Variants in SLC8A1 observed in about 807,000 individuals in gnomAD.
The protein encoded by SLC8A1 is sodium/calcium exchanger 1.
A neutral mutation model predicts 68.3 loss-of-function variants in SLC8A1; 18 were observed. The ratio of observed to expected loss-of-function variants is 0.26; its 90% CI spans 0.18 to 0.39. SLC8A1 has a LOEUF of 0.39. Ranked by LOEUF, SLC8A1 falls within the 10% of genes least tolerant of loss-of-function variation. SLC8A1 has a pLI of 1.00. For missense variants in SLC8A1, 985 were observed against 1,156.7 expected (o/e 0.85, Z 2.15); for synonymous variants, 475 against 415.5 (o/e 1.14, Z -1.74).
intron 2 of SLC8A1, among the ~76,000 whole-genome samples, chr2:40,338,058 C>G (rs1315744637): frequency 2.6e-5 from 4 of 151,950 alleles, no homozygotes; most frequent in South Asian, 2.1e-4. Flanking sequence ...TCTGAAAGTG[C>G]TCTGTCTTAA....
At chr2:40,159,652 C>T (rs1402106293) in intron 6 of SLC8A1, among the ~76,000 whole-genome samples, 1 of 151,842 alleles carries the variant, frequency 6.6e-6, no homozygotes, top group Non-Finnish European at 1.5e-5. Flanking sequence ...GAGAGTTTAC[C>T]CCTCCTTCTA....
chr2:40,235,174 G>A (rs1343068571), intron 2 of SLC8A1, among the ~76,000 whole-genome samples: 2 of 151,566 alleles, frequency 1.3e-5, no homozygotes, highest in Non-Finnish European at 3.0e-5. Context: ...AGAAGGAATG[G>A]TACCAGTTCC....
At chr2:40,152,169 A>G (rs1380967686) in intron 6 of SLC8A1, among the ~76,000 whole-genome samples, 1 of 152,214 alleles carries the variant, frequency 6.6e-6, no homozygotes, top group Non-Finnish European at 1.5e-5. Flanking sequence ...AATAAAAAGG[A>G]AATTCTTTAT....
intron 6 of SLC8A1, among the ~76,000 whole-genome samples, chr2:40,146,608 A>G (rs184375875): frequency 6.7e-6 from 1 of 149,696 alleles, no homozygotes; most frequent in African/African-American, 2.5e-5. Flanking sequence ...TTTTCTTGCA[A>G]CTAGATGGTC....
intron 2 of SLC8A1, among the ~76,000 whole-genome samples, chr2:40,325,777 CAAAAAAAAAAAAAAAAA>C (rs3059526): frequency 2.2e-5 from 1 of 45,006 alleles, no homozygotes; most frequent in Admixed American, 3.2e-4. Flanking sequence ...ACTAAAAATA[CAAAAAAAAAAAAAAAAA>C]AAAAAAAAAA....
intron 4 of SLC8A1, among the ~76,000 whole-genome samples, chr2:40,169,533 T>C (rs541667576): frequency 6.6e-6 from 1 of 152,286 alleles, no homozygotes; most frequent in African/African-American, 2.4e-5. Flanking sequence ...TGTCATTTAT[T>C]TCCCCTGTGG....
chr2:40,318,281 C>A (rs1258742248), intron 2 of SLC8A1, among the ~76,000 whole-genome samples: 2 of 151,884 alleles, frequency 1.3e-5, no homozygotes, highest in Admixed American at 6.6e-5. Context: ...TCAAAACTAC[C>A]TAATTAGAGC....
intron 2 of SLC8A1, among the ~76,000 whole-genome samples, chr2:40,338,944 C>G (rs1262682477): frequency 6.6e-6 from 1 of 152,102 alleles, no homozygotes; most frequent in Non-Finnish European, 1.5e-5. Context: ...TATAATCTAC[C>G]AGAGTCTCTC....
At chr2:40,341,332 T>A in intron 2 of SLC8A1, among the ~76,000 whole-genome samples, 1 of 152,030 alleles carries the variant, frequency 6.6e-6, no homozygotes, top group East Asian at 1.9e-4. Context: ...ATAAAGCAAA[T>A]GGTAGTGGCT....
intron 2 of SLC8A1, among the ~76,000 whole-genome samples, chr2:40,381,065 G>C (rs942786237): frequency 2.0e-5 from 3 of 152,046 alleles, no homozygotes; most frequent in African/African-American, 7.2e-5. Context: ...TCCTATAGCA[G>C]AATGTGATTA....
At chr2:40,280,350 G>A (rs1169866187) in intron 2 of SLC8A1, among the ~76,000 whole-genome samples, 1 of 150,928 alleles carries the variant, frequency 6.6e-6, no homozygotes, top group Non-Finnish European at 1.5e-5. Context: ...TGTCCTAATG[G>A]AAAAGTAACA....
chr2:40,410,933 C>CA (rs1691939804), intron 2 of SLC8A1, among the ~76,000 whole-genome samples: 1 of 151,962 alleles, frequency 6.6e-6, no homozygotes, highest in East Asian at 1.9e-4. Context: ...AAATGGGATT[C>CA]AAAATGGGAT....
intron 2 of SLC8A1, among the ~76,000 whole-genome samples, chr2:40,265,028 T>G (rs1261553020): frequency 6.6e-6 from 1 of 152,186 alleles, no homozygotes; most frequent in Non-Finnish European, 1.5e-5. Context: ...TTGCTTTGGC[T>G]AATGAAATGT....
intron 2 of SLC8A1, among the ~76,000 whole-genome samples, chr2:40,373,189 G>C (rs965331327): frequency 1.3e-5 from 2 of 151,924 alleles, no homozygotes; most frequent in African/African-American, 2.4e-5. Context: ...AATATTAAAA[G>C]TGGCTTACAA....
chr2:40,488,166 G>T (rs909819212), intron 1 of SLC8A1, among the ~76,000 whole-genome samples: 1 of 150,550 alleles, frequency 6.6e-6, no homozygotes, highest in African/African-American at 2.5e-5. Flanking sequence ...TTCACAAGAT[G>T]AGATAAACTG....
intron 2 of SLC8A1, among the ~76,000 whole-genome samples, chr2:40,417,381 C>T (rs1694194309): frequency 6.6e-6 from 1 of 152,016 alleles, no homozygotes; most frequent in Admixed American, 6.6e-5. Context: ...AATTGTAAAC[C>T]AAACAAGAAA....
intron 2 of SLC8A1, among the ~76,000 whole-genome samples, chr2:40,291,868 T>C (rs1046395540): frequency 6.6e-6 from 1 of 151,900 alleles, no homozygotes; most frequent in Admixed American, 6.6e-5. Context: ...TCATATTCAG[T>C]CACAACACCC....
chr2:40,181,826 C>T (rs1057411286), intron 2 of SLC8A1, among the ~76,000 whole-genome samples: 3 of 152,184 alleles, frequency 2.0e-5, no homozygotes, highest in African/African-American at 4.8e-5. Flanking sequence ...GGAACACATC[C>T]TTAGGATGTC....
chr2:40,158,231 A>C (rs2044962881), intron 6 of SLC8A1, among the ~76,000 whole-genome samples: 1 of 152,194 alleles, frequency 6.6e-6, no homozygotes, highest in Non-Finnish European at 1.5e-5. Flanking sequence ...TGACTTCAAT[A>C]AATGCTGCTT....
Sources: gnomAD v4.1 joint callset for allele counts (sites outside exome capture counted in the v4.1 genomes callset) on GRCh38, gnomAD v4.1.1 for gene constraint, MANE v1.5 for transcripts, NCBI Gene and HGNC (gene_info 2026-07-23, HGNC 2026-07-21) for gene names.